The following HEMK2 variants were observed in gnomAD, a reference collection of about 807,000 sequenced individuals.
HEMK2 encodes the protein methyltransferase HEMK2.
chr21:28,847,482 C>A, the HEMK2 span, among the ~76,000 whole-genome samples: 2 of 151,958 alleles, frequency 1.3e-5, no homozygotes, highest in Non-Finnish European at 1.5e-5. Context: ...TTGCTTTTTG[C>A]TTGTTAATTT....
At chr21:28,645,773 G>A in the HEMK2 span, among the ~76,000 whole-genome samples, 3 of 152,170 alleles carry the variant, frequency 2.0e-5, no homozygotes, top group Non-Finnish European at 4.4e-5. Flanking sequence ...CTCATCATGT[G>A]AGGACACAAG....
At chr21:28,644,514 T>C in the HEMK2 span, among the ~76,000 whole-genome samples, 3 of 152,222 alleles carry the variant, frequency 2.0e-5, no homozygotes, top group African/African-American at 7.2e-5. Context: ...GAAATTAGTC[T>C]GGTAAACAAT....
At chr21:28,813,915 CA>C in the HEMK2 span, among the ~76,000 whole-genome samples, 1 of 152,114 alleles carries the variant, frequency 6.6e-6, no homozygotes, top group African/African-American at 2.4e-5. Context: ...ACACCTTAAA[CA>C]AAAATTAACA....
the HEMK2 span, among the ~76,000 whole-genome samples, chr21:28,842,822 T>A: frequency 6.6e-6 from 1 of 152,142 alleles, no homozygotes; most frequent in East Asian, 1.9e-4. Flanking sequence ...CTCCTCTGAT[T>A]GTATACAGAG....
the HEMK2 span, among the ~76,000 whole-genome samples, chr21:28,756,740 T>C: frequency 6.6e-6 from 1 of 152,192 alleles, no homozygotes; most frequent in Non-Finnish European, 1.5e-5. Flanking sequence ...TCACCTGCTA[T>C]AAATAAGAAA....
the HEMK2 span, among the ~76,000 whole-genome samples, chr21:28,576,365 T>C: frequency 6.6e-6 from 1 of 152,198 alleles, no homozygotes; most frequent in Admixed American, 6.5e-5. Context: ...CATGAGTTTA[T>C]TGGCCATTCA....
the HEMK2 span, among the ~76,000 whole-genome samples, chr21:28,729,614 A>G: frequency 6.8e-6 from 1 of 146,170 alleles, no homozygotes; most frequent in African/African-American, 2.6e-5. Context: ...ATACACTAAC[A>G]CTAACGATTG....
chr21:28,697,057 A>G, the HEMK2 span, among the ~76,000 whole-genome samples: 85,320 of 152,000 alleles, frequency 0.56, 26,846 homozygotes, highest in East Asian at 0.84. Context: ...AAGAGCTGCT[A>G]TGAAAGTCTC....
chr21:28,758,983 G>A, the HEMK2 span, among the ~76,000 whole-genome samples: 1 of 152,170 alleles, frequency 6.6e-6, no homozygotes, highest in Admixed American at 6.5e-5. Context: ...TGGCATAGCT[G>A]GTTTTCAAAA....
the HEMK2 span, among the ~76,000 whole-genome samples, chr21:28,741,086 C>T: frequency 1.3e-5 from 2 of 152,120 alleles, no homozygotes; most frequent in Non-Finnish European, 1.5e-5. Context: ...GCTCACCAAG[C>T]CAGCTCCAAA....
chr21:28,785,944 A>G, the HEMK2 span, among the ~76,000 whole-genome samples: 2 of 152,256 alleles, frequency 1.3e-5, no homozygotes, highest in Admixed American at 6.5e-5. Flanking sequence ...GAAAACTTTA[A>G]AAGTGAATTT....
chr21:28,628,389 A>C, the HEMK2 span, among the ~76,000 whole-genome samples: 1 of 152,168 alleles, frequency 6.6e-6, no homozygotes, highest in Non-Finnish European at 1.5e-5. Flanking sequence ...CATTATTATA[A>C]ATAAGGCCAA....
the HEMK2 span, among the ~76,000 whole-genome samples, chr21:28,841,667 G>A: frequency 6.7e-6 from 1 of 150,232 alleles, no homozygotes; most frequent in Admixed American, 6.8e-5. Flanking sequence ...GGAGTTGCGG[G>A]GAAGAGTGGG....
chr21:28,593,776 T>G, the HEMK2 span, among the ~76,000 whole-genome samples: 1 of 152,172 alleles, frequency 6.6e-6, no homozygotes, highest in Non-Finnish European at 1.5e-5. Flanking sequence ...CATGAGTCCA[T>G]TTAGATGTAA....
the HEMK2 span, among the ~76,000 whole-genome samples, chr21:28,653,988 T>C: frequency 6.6e-6 from 1 of 152,184 alleles, no homozygotes; most frequent in Admixed American, 6.6e-5. Context: ...CGCTAACCTA[T>C]ATGCAAACTG....
chr21:28,685,043 A>C, the HEMK2 span, among the ~76,000 whole-genome samples: 2 of 152,216 alleles, frequency 1.3e-5, no homozygotes, highest in Non-Finnish European at 2.9e-5. Flanking sequence ...TTAAAGGGAG[A>C]ATGAGAGAGT....
the HEMK2 span, among the ~76,000 whole-genome samples, chr21:28,707,599 C>A: frequency 3.9e-5 from 6 of 151,932 alleles, no homozygotes; most frequent in Non-Finnish European, 8.8e-5. Flanking sequence ...TAGAAGGCAG[C>A]TAGACTCACC....
At chr21:28,798,918 T>C in the HEMK2 span, among the ~76,000 whole-genome samples, 3 of 152,176 alleles carry the variant, frequency 2.0e-5, no homozygotes, top group South Asian at 2.1e-4. Flanking sequence ...TCATCAGTAA[T>C]TTGAGATGTC....
chr21:28,712,314 A>C, the HEMK2 span, among the ~76,000 whole-genome samples: 3 of 152,238 alleles, frequency 2.0e-5, no homozygotes, highest in Non-Finnish European at 4.4e-5. Context: ...TTCTGGGGGA[A>C]GCCCAACTTC....
Sources: gnomAD v4.1 joint callset for allele counts (sites outside exome capture counted in the v4.1 genomes callset) on GRCh38, gnomAD v4.1.1 for gene constraint, MANE v1.5 for transcripts, NCBI Gene and HGNC (gene_info 2026-07-23, HGNC 2026-07-21) for gene names.